HYKK: variants seen among roughly 807,000 people sequenced by gnomAD.
The protein encoded by HYKK is hydroxylysine kinase.
In HYKK, 19 loss-of-function variants were observed where a neutral mutation model predicts 29.7. The observed-to-expected ratio is 0.64, with a 90% confidence interval of 0.45 to 0.94. The LOEUF (loss-of-function observed/expected upper bound fraction) is 0.94, where lower values mean the gene tolerates loss of function less well. Among genes scored for constraint, HYKK ranks in the 40% least tolerant of loss-of-function variants. HYKK has a pLI of 0.00. For missense variants in HYKK, 390 were observed against 443.4 expected, an observed-to-expected ratio of 0.88 and a Z score of 1.08; for synonymous variants, 152 against 158.1, an observed-to-expected ratio of 0.96 and a Z score of 0.29.
intron 4 of HYKK, among the ~76,000 whole-genome samples, chr15:78,531,831 G>T (rs2052315604): frequency 6.6e-6 from 1 of 152,120 alleles, no homozygotes; most frequent in Non-Finnish European, 1.5e-5. Context: ...CACTGGGCCC[G>T]GTCAAATTTT....
At chr15:78,521,543 TAG>T (rs2052196599) in intron 3 of HYKK, among the ~76,000 whole-genome samples, 1 of 152,058 alleles carries the variant, frequency 6.6e-6, no homozygotes, top group African/African-American at 2.4e-5. Flanking sequence ...GATAGGCTAA[TAG>T]AGAGTACTGA....
intron 1 of HYKK, 144 bp from the exon 2 acceptor site, chr15:78,512,940 C>A: frequency 1.7e-6 from 1 of 596,514 alleles, no homozygotes; most frequent in Non-Finnish European, 3.0e-6. Context: ...ATTTGATTTT[C>A]TTTTTAACTT....
Position 78,533,340 on chromosome 15 carries a change from T to C in HYKK, c.792T>C (p.Phe264=). ...FGDMSYGYYV[F]EVAITIMYMM... ...ACATGAGCTATGGCTACTATGTGTT[T>C]GAAGTGGCAATTACCATCATGTACA... Residue 264 remains phenylalanine (F), a synonymous_variant, in exon 5 of 5, where the codon TTT becomes TTC. Transcript: ENST00000388988. 1 of 1,614,232 alleles carries C rather than the reference T, an allele frequency of 6.2e-7. No individual in the cohort carries two copies. The highest frequency in any genetic ancestry group is 2.2e-5 in the East Asian group (1 of 44,888).
At chr15:78,526,102 A>AG (rs2052251741) in intron 3 of HYKK, among the ~76,000 whole-genome samples, 4 of 152,232 alleles carry the variant, frequency 2.6e-5, no homozygotes. Context: ...GTGCAATGAT[A>AG]GTGAAAATTA....
At position 78,535,759 on chromosome 15, in the gene HYKK, C is replaced by G. The variant is rs903212104; in HGVS notation, c.*2089C>G. ...TTGAGATAGGGTCTCACTCCGTCACCGACGCTGGAGTGCAGTGGTGTGATC... is the reference window on the plus strand; with the variant it reads ...TTGAGATAGGGTCTCACTCCGTCACGGACGCTGGAGTGCAGTGGTGTGATC... On this transcript the variant is annotated 3_prime_UTR_variant, in exon 5 of 5. Transcript: ENST00000388988. 1 of 151,936 alleles carries G rather than the reference C, an allele frequency of 6.6e-6. No homozygotes were observed. Among genetic ancestry groups the G allele is most frequent in the East Asian group, 1.9e-4 (1 of 5,142 alleles). 9.4% of individuals were successfully genotyped at this position (151,936 alleles called of 1,614,324 possible). A position where few individuals can be genotyped will look rare whatever the true frequency, so the allele number is the denominator to read the frequency against.
chr15:78,523,115 T>C (rs2052215000), intron 3 of HYKK, among the ~76,000 whole-genome samples: 1 of 152,160 alleles, frequency 6.6e-6, no homozygotes, highest in African/African-American at 2.4e-5. Flanking sequence ...TGTTAGTCCA[T>C]TCTCAAATTG....
chr15:78,527,615 T>G (rs756578579), intron 4 of HYKK, 52 bp downstream of exon 4: 1 of 1,596,674 alleles, frequency 6.3e-7, no homozygotes, highest in Admixed American at 1.7e-5. Flanking sequence ...CTGTCCAATT[T>G]CATATCATCA....
intron 3 of HYKK, chr15:78,518,794 A>T (rs993372822): frequency 3.3e-6 from 1 of 305,452 alleles, no homozygotes; most frequent in African/African-American, 2.2e-5. Flanking sequence ...GGGCGCCTAT[A>T]ATCCCAGCTA....
At chr15:78,529,234 A>C (rs1392962614) in intron 4 of HYKK, among the ~76,000 whole-genome samples, 1 of 152,116 alleles carries the variant, frequency 6.6e-6, no homozygotes, top group Non-Finnish European at 1.5e-5. Flanking sequence ...GTGTCATTGC[A>C]TATGCTAGAG....
chr15:78,517,462 C>T (rs955790070), intron 3 of HYKK, among the ~76,000 whole-genome samples: 2 of 151,932 alleles, frequency 1.3e-5, no homozygotes, highest in Non-Finnish European at 2.9e-5. Flanking sequence ...GCCTATAATC[C>T]CAGCTGCTTT....
chr15:78,531,019 ACAC>A (rs1191199332), intron 4 of HYKK, among the ~76,000 whole-genome samples: 1 of 151,854 alleles, frequency 6.6e-6, no homozygotes, highest in Non-Finnish European at 1.5e-5. Context: ...ATGCACCACC[ACAC>A]CACGTAATTT....
intron 1 of HYKK, among the ~76,000 whole-genome samples, chr15:78,510,182 TCTTTA>T (rs1010974254): frequency 1.3e-5 from 2 of 151,618 alleles, no homozygotes; most frequent in East Asian, 1.9e-4. Flanking sequence ...TTCTTTCTTT[TCTTTA>T]CTTTTCTTTC....
At chr15:78,525,499 T>TCA (rs2052242574) in intron 3 of HYKK, among the ~76,000 whole-genome samples, 2 of 149,158 alleles carry the variant, frequency 1.3e-5, no homozygotes, top group Admixed American at 6.7e-5. Flanking sequence ...ATTTTATTTT[T>TCA]TATATATATA....
rs1199269287 is a variant in HYKK at position 78,513,419 on chromosome 15, T to C, written c.331T>C (p.Ser111Pro). Residue 111 changes from serine to proline, a missense_variant, in exon 2 of 5, where the codon TCT (serine) becomes CCT (proline). By Grantham distance (74) the Ser-to-Pro change is moderately conservative (BLOSUM62 -1). Coordinates refer to ENST00000388988, the MANE Select transcript of HYKK (RefSeq NM_001013619.4). ...TKGDNTASLV[S>P]VDSGSEIKSY... ...AGGAGACAACACAGCTTCTCTCGTG[T>C]CTGTAGGTAAGAGATGACCAATTCG... 17 of 1,610,778 alleles carry C rather than the reference T, an allele frequency of 1.1e-5. No homozygotes were observed. The highest frequency in any genetic ancestry group is 1.4e-5 in the Non-Finnish European group (17 of 1,178,492).
At chr15:78,517,751 A>G (rs1008433007) in intron 3 of HYKK, among the ~76,000 whole-genome samples, 1 of 152,128 alleles carries the variant, frequency 6.6e-6, no homozygotes, top group East Asian at 1.9e-4. Context: ...TGCTTTTACT[A>G]CTTGATAGAT....
rs2052358913 is a variant in HYKK at position 78,535,968 on chromosome 15, T to G, written c.*2298T>G. ...CTGGACTCAAGCAATCCTCCTGCCT[T>G]GGCCTCCCTAAATGCTAGGATTATA... is the stretch of plus-strand genomic sequence containing the variant. On this transcript the variant is annotated 3_prime_UTR_variant, in exon 5 of 5. Transcript: ENST00000388988. The G allele has an allele frequency of 6.6e-6, 1 of 152,212 alleles. No homozygotes were observed. The highest frequency in any genetic ancestry group is 2.1e-4 in the South Asian group (1 of 4,828). 9.4% of individuals were successfully genotyped at this position (152,212 alleles called of 1,614,324 possible).
At chr15:78,510,958 CTTT>C (rs923918603) in intron 1 of HYKK, among the ~76,000 whole-genome samples, 97 of 85,126 alleles carry the variant, frequency 1.1e-3, no homozygotes, top group Middle Eastern at 7.5e-3. Flanking sequence ...TCATGAGATT[CTTT>C]TTTTTTTTTT....
intron 3 of HYKK, among the ~76,000 whole-genome samples, chr15:78,515,449 G>GGC (rs1010448519): frequency 6.6e-6 from 1 of 152,110 alleles, no homozygotes; most frequent in Non-Finnish European, 1.5e-5. Context: ...AGGGCATGGT[G>GGC]GCGTGTGCCT....
chr15:78,537,231 T>C (rs760737335), downstream of HYKK: 1 of 522,618 alleles, frequency 1.9e-6, no homozygotes, highest in Non-Finnish European at 3.6e-6. Flanking sequence ...TTCCATCCCA[T>C]TGATTCGGTT....
Sources: allele counts gnomAD v4.1 joint callset (sites outside exome capture counted in the v4.1 genomes callset), GRCh38; gene constraint gnomAD v4.1.1; transcripts MANE v1.5; gene names NCBI Gene and HGNC (gene_info 2026-07-23, HGNC 2026-07-21).